Variants in SLC39A12 observed in about 807,000 individuals in gnomAD.
SLC39A12 encodes zinc transporter ZIP12.
SLC39A12 carries 63 observed loss-of-function variants against 71.1 expected under a neutral mutation model. That is an observed-to-expected ratio of 0.89 (90% CI 0.72 to 1.09). The LOEUF (loss-of-function observed/expected upper bound fraction) is 1.09. SLC39A12 is among the 50% of genes least tolerant of loss of function. The pLI is 0.00. For missense variants in SLC39A12, 892 were observed against 812.6 expected (o/e 1.10, Z -1.19); for synonymous variants, 351 against 301.3 (o/e 1.16, Z -1.71).
At chr10:18,004,926 G>A (rs766992391) in intron 12 of SLC39A12, among the ~76,000 whole-genome samples, 28 of 152,078 alleles carry the variant, frequency 1.8e-4, no homozygotes, top group Admixed American at 1.3e-3. Context: ...CCTTTGCAGG[G>A]ACATAGATGA....
intron 5 of SLC39A12, among the ~76,000 whole-genome samples, chr10:17,979,732 G>A (rs1002357364): frequency 6.6e-6 from 1 of 152,228 alleles, no homozygotes; most frequent in African/African-American, 2.4e-5. Flanking sequence ...ACCCACAGGA[G>A]TGAGGTTGGC....
intron 12 of SLC39A12, among the ~76,000 whole-genome samples, chr10:18,024,044 T>C (rs1836608069): frequency 6.6e-6 from 1 of 152,080 alleles, no homozygotes; most frequent in South Asian, 2.1e-4. Flanking sequence ...GGCAGGCCTG[T>C]TGGTTACCTC....
chr10:17,958,382 T>C (rs1293618900), intron 2 of SLC39A12, among the ~76,000 whole-genome samples: 1 of 152,084 alleles, frequency 6.6e-6, no homozygotes, highest in African/African-American at 2.4e-5. Context: ...AAGTATAACA[T>C]AAACTCATTC....
chr10:17,959,550 TGTA>T (rs1217953546), intron 2 of SLC39A12, among the ~76,000 whole-genome samples: 8 of 152,150 alleles, frequency 5.3e-5, no homozygotes, highest in African/African-American at 1.9e-4. Flanking sequence ...TAAAAGATAT[TGTA>T]GTACAATATC....
At chr10:18,007,677 C>T (rs758460879) in intron 12 of SLC39A12, among the ~76,000 whole-genome samples, 2 of 152,208 alleles carry the variant, frequency 1.3e-5, no homozygotes, top group Non-Finnish European at 2.9e-5. Context: ...ATTCCCCCCC[C>T]TTTTTAGACC....
chr10:17,974,412 G>C (rs1835052179), intron 4 of SLC39A12, among the ~76,000 whole-genome samples: 2 of 152,156 alleles, frequency 1.3e-5, no homozygotes, highest in African/African-American at 4.8e-5. Context: ...TCTTGGGAAG[G>C]CTTTCCAGAT....
chr10:17,979,635 A>AT (rs1287389440), intron 5 of SLC39A12, among the ~76,000 whole-genome samples: 1 of 152,186 alleles, frequency 6.6e-6, no homozygotes, highest in Non-Finnish European at 1.5e-5. Flanking sequence ...GGAAAAAAAA[A>AT]CACAAGTTTA....
rs980298547 is a variant in SLC39A12 at position 17,969,285 on chromosome 10, C to T, written c.751+3595C>T. Among the ~76,000 whole-genome samples, 4 of 152,062 alleles carry T rather than the reference C, an allele frequency of 2.6e-5. No individual in the cohort carries two copies. The South Asian group carries it at 6.2e-4, about 24-fold the overall frequency. ...AGATATCTCTTCAATATACTAAGTT[C>T]GTTCTTTTGGGTATATACCCAGTGG... is the stretch of plus-strand genomic sequence containing the variant. On this transcript the variant is annotated intron_variant, in intron 4 of 12. Transcript: ENST00000377369.
chr10:17,972,873 AT>A (rs1476990561), intron 4 of SLC39A12, among the ~76,000 whole-genome samples: 1 of 151,530 alleles, frequency 6.6e-6, no homozygotes, highest in Non-Finnish European at 1.5e-5. Context: ...CGCTCCTGCC[AT>A]TTTGTTATTT....
chr10:18,019,284 T>A (rs1005844161), intron 12 of SLC39A12, among the ~76,000 whole-genome samples: 1 of 148,910 alleles, frequency 6.7e-6, no homozygotes, highest in Non-Finnish European at 1.5e-5. Flanking sequence ...TCTTCTCTCC[T>A]TTTTTTTGTT....
At chr10:18,033,857 C>T (rs376054508) in intron 12 of SLC39A12, among the ~76,000 whole-genome samples, 4 of 152,080 alleles carry the variant, frequency 2.6e-5, no homozygotes, top group Admixed American at 6.6e-5. Flanking sequence ...TGTGTCTTTG[C>T]TCTCATTGGT....
At chr10:17,988,076 G>A (rs1386905836) in intron 7 of SLC39A12, among the ~76,000 whole-genome samples, 1 of 152,166 alleles carries the variant, frequency 6.6e-6, no homozygotes, top group East Asian at 1.9e-4. Flanking sequence ...GGGAGGCCAA[G>A]GCAGGTGGAT....
intron 7 of SLC39A12, 73 bp from the exon 8 acceptor site, chr10:17,991,078 T>C: frequency 1.4e-6 from 2 of 1,380,940 alleles, no homozygotes; most frequent in Non-Finnish European, 1.9e-6. Context: ...CTGGGCCTAC[T>C]ATTTAATAGT....
intron 12 of SLC39A12, 84 bp downstream of exon 12, chr10:18,003,442 A>T: frequency 8.2e-7 from 1 of 1,222,178 alleles, no homozygotes; most frequent in Non-Finnish European, 1.1e-6. Context: ...ATGGAAGGAT[A>T]AATGAGTAGA....
chr10:17,978,165 G>A (rs1470290465), intron 5 of SLC39A12, 91 bp downstream of exon 5: 1 of 1,112,368 alleles, frequency 9.0e-7, no homozygotes, highest in African/African-American at 1.6e-5. Flanking sequence ...AAAACTTAAA[G>A]AGTATTGTGT....
intron 12 of SLC39A12, among the ~76,000 whole-genome samples, chr10:18,038,616 C>T (rs188694427): frequency 1.3e-5 from 2 of 152,098 alleles, no homozygotes; most frequent in African/African-American, 4.8e-5. Context: ...CATGCCACTG[C>T]ACTCCAGCCT....
At chr10:17,967,907 A>G (rs867325783) in intron 4 of SLC39A12, among the ~76,000 whole-genome samples, 2,034 of 147,412 alleles carry the variant, frequency 0.014, 48 homozygotes, top group African/African-American at 0.044. Flanking sequence ...AAATATATAT[A>G]TATATATATA....
rs12242477 is a variant in SLC39A12 at position 17,978,894 on chromosome 10, C to A, written c.924+820C>A. On this transcript the variant is annotated intron_variant, in intron 5 of 12. Coordinates refer to ENST00000377369, the MANE Select transcript of SLC39A12 (RefSeq NM_001145195.2). ...CCTGGGCCTTTCCAAGGGCTGTGGG[C>A]AGCAGCAGTACCACCTGGGAACTTG... Among the ~76,000 whole-genome samples, 924 of 152,278 alleles carry A rather than the reference C, an allele frequency of 6.1e-3. 12 individuals carry two copies. The highest frequency in any genetic ancestry group is 0.021 in the African/African-American group (878 of 41,550).
intron 10 of SLC39A12, among the ~76,000 whole-genome samples, chr10:17,997,075 C>T (rs1835707019): frequency 6.6e-6 from 1 of 151,122 alleles, no homozygotes; most frequent in African/African-American, 2.4e-5. Flanking sequence ...TGCTAATGCA[C>T]CAACAATTTT....
Sources: allele counts gnomAD v4.1 joint callset (sites outside exome capture counted in the v4.1 genomes callset), GRCh38; gene constraint gnomAD v4.1.1; transcripts MANE v1.5; gene names NCBI Gene and HGNC (gene_info 2026-07-23, HGNC 2026-07-21).